The following MEIS3 variants were observed in gnomAD, a reference collection of about 807,000 sequenced individuals.
The protein encoded by MEIS3 is homeobox protein Meis3.
MEIS3 carries 38 observed loss-of-function variants against 51.4 expected under a neutral mutation model. That is an observed-to-expected ratio of 0.74 (90% CI 0.57 to 0.97). The LOEUF is 0.97. Among genes scored for constraint, MEIS3 ranks in the 50% least tolerant of loss-of-function variants. The probability of loss-of-function intolerance (pLI) is 0.00; values close to 1 mark genes in which losing one functional copy is unlikely to be tolerated. For missense variants in MEIS3, 456 were observed against 502.6 expected, an observed-to-expected ratio of 0.91 and a Z score of 0.89; for synonymous variants, 198 against 201.8, an observed-to-expected ratio of 0.98 and a Z score of 0.16.
chr19:47,416,176 G>A (rs774010948), intron 4 of MEIS3: 15 of 154,278 alleles, frequency 9.7e-5, no homozygotes, highest in Admixed American at 7.2e-4. Flanking sequence ...CATTACAGGC[G>A]TGAGCTGCCG....
At chr19:47,420,940 A>ACACACACACACACACT (rs1187725467), upstream of MEIS3, among the ~76,000 whole-genome samples, 1 of 90,972 alleles carries the variant, frequency 1.1e-5, no homozygotes, top group Non-Finnish European at 2.1e-5. Flanking sequence ...ACACACACAC[A>ACACACACACACACACT]CTCTCTCTCT....
intron 12 of MEIS3, among the ~76,000 whole-genome samples, chr19:47,404,476 G>C (rs1373883462): frequency 6.6e-6 from 1 of 152,110 alleles, no homozygotes; most frequent in Non-Finnish European, 1.5e-5. Flanking sequence ...CACCTGTCCG[G>C]CCGCCTGCCT....
rs369363911 is a variant in MEIS3, at chr19:47,414,880, G to A, written c.448-14C>T. Reference sequence around the variant, plus strand: ...CAGGTCGTGGACCTGGGGGGGCACCGGGGTACTGGGGGGGGCCACCCACGG... The same window carrying A: ...CAGGTCGTGGACCTGGGGGGGCACCAGGGTACTGGGGGGGGCCACCCACGG... On this transcript the variant is annotated splice_polypyrimidine_tract_variant and intron_variant, in intron 5 of 12. Coordinates refer to ENST00000558555, the MANE Select transcript of MEIS3 (RefSeq NM_001301059.2). The A allele has an allele frequency of 8.0e-5, 128 of 1,597,758 alleles. 1 individual carries two copies. The highest frequency in any genetic ancestry group is 7.4e-4 in the African/African-American group (55 of 74,282).
chr19:47,407,067 T>G lies in MEIS3; in HGVS notation c.994+12A>C, dbSNP rs544885285. 2 of 1,608,354 alleles carry G rather than the reference T, an allele frequency of 1.2e-6. No individual in the cohort carries two copies. Among genetic ancestry groups the G allele is most frequent in the Admixed American group, 3.4e-5 (2 of 58,868 alleles). ...GAACCCCAGGCTCTCCGTCCCCGCC[T>G]TCCCCCTGTACCTGTGCGGTTGGAT... On this transcript the variant is annotated intron_variant, in intron 10 of 12. Coordinates refer to ENST00000558555, the MANE Select transcript of MEIS3 (RefSeq NM_001301059.2).
In MEIS3 at chr19:47,411,094, A is replaced by G. The variant is rs145739485; in HGVS notation, c.598-1547T>C. 7.2e-3 allele frequency among the ~76,000 whole-genome samples: 1,091 copies of G among 151,562 alleles called. 14 individuals carry two copies. Among genetic ancestry groups the G allele is most frequent in the African/African-American group, 0.025 (1,019 of 41,342 alleles). On this transcript the variant is annotated intron_variant, in intron 6 of 12. Transcript: ENST00000558555. ...TGGGATTACAGGTGCCTGCCACCAC[A>G]CCTGGCTAATTTTTGTATTTTTAGT...
At position 47,407,237 on chromosome 19, in the gene MEIS3, A is replaced by G. The variant is rs571320431; in HGVS notation, c.936-100T>C. 9 of 1,488,318 alleles carry G rather than the reference A, an allele frequency of 6.0e-6. No homozygotes were observed. The South Asian group carries it at 9.0e-5, about 15-fold the overall frequency. 92.2% of individuals were successfully genotyped at this position (1,488,318 alleles called of 1,614,324 possible). A position where few individuals can be genotyped will look rare whatever the true frequency, so the allele number is the denominator to read the frequency against. On this transcript the variant is annotated intron_variant, in intron 9 of 12. Coordinates refer to ENST00000558555, the MANE Select transcript of MEIS3 (RefSeq NM_001301059.2). ...GCCGGAGGACAGCGGCGGGGGAGGC[A>G]GAGCGGGGCGAGCAGGGGCAGTGGC...
intron 6 of MEIS3, among the ~76,000 whole-genome samples, chr19:47,410,903 G>C (rs908349800): frequency 2.0e-5 from 3 of 152,124 alleles, no homozygotes; most frequent in Non-Finnish European, 4.4e-5. Context: ...AAAATCCTTG[G>C]GGCAAGAAGT....
chr19:47,408,992 C>T, intron 8 of MEIS3, 107 bp downstream of exon 8: 3 of 1,356,016 alleles, frequency 2.2e-6, no homozygotes, highest in Non-Finnish European at 3.0e-6. Flanking sequence ...GAAAAATTTC[C>T]TGCCGTCTTT....
Position 47,416,528 on chromosome 19 carries a change from T to C in MEIS3, c.396+124A>G, listed in dbSNP as rs557209336. On this transcript the variant is annotated intron_variant, in intron 4 of 12. Coordinates refer to ENST00000558555, the MANE Select transcript of MEIS3 (RefSeq NM_001301059.2). ...CCACACGGCACGTGGGCAACAATCA[T>C]GACGGTTTGGGGACATGGACCAGGT... The C allele has an allele frequency of 2.3e-4, 184 of 784,542 alleles. 2 individuals carry two copies. In the South Asian group the frequency reaches 3.6e-3, roughly 15 times the overall value. 48.6% of individuals were successfully genotyped at this position (784,542 alleles called of 1,614,324 possible). A position where few individuals can be genotyped will look rare whatever the true frequency, so the allele number is the denominator to read the frequency against.
At chr19:47,409,000 T>C (rs1970983412) in intron 8 of MEIS3, 99 bp downstream of exon 8, 5 of 1,423,008 alleles carry the variant, frequency 3.5e-6, no homozygotes, top group South Asian at 1.3e-5. Flanking sequence ...TCCTGCCGTC[T>C]TTCTCCCACT....
chr19:47,416,596 C>G (rs920882077), intron 4 of MEIS3, 56 bp downstream of exon 4: 1 of 1,372,422 alleles, frequency 7.3e-7, no homozygotes. Flanking sequence ...AGGGATGGGG[C>G]GTCAGGGAAG....
chr19:47,403,673 G>A (rs1445465035), intron 12 of MEIS3, 120 bp from the exon 13 acceptor site: 5 of 337,040 alleles, frequency 1.5e-5, no homozygotes, highest in East Asian at 1.8e-4. Context: ...AGTGGCTGGC[G>A]GGGAATGGCA....
At chr19:47,414,945 G>C (rs565384019) in intron 5 of MEIS3, 79 bp from the exon 6 acceptor site, 2 of 1,075,748 alleles carry the variant, frequency 1.9e-6, no homozygotes, top group East Asian at 7.8e-5. Flanking sequence ...GCGGCATTCT[G>C]CTTCAACTCC....
chr19:47,418,384 A>G (rs1234986953), intron 1 of MEIS3: 2 of 152,374 alleles, frequency 1.3e-5, no homozygotes, highest in Non-Finnish European at 2.9e-5. Context: ...GTTGAATCCA[A>G]CTGCTCCCCG....
intron 1 of MEIS3, chr19:47,417,620 G>A (rs1971514278): frequency 1.4e-6 from 1 of 703,052 alleles, no homozygotes; most frequent in Non-Finnish European, 2.6e-6. Flanking sequence ...GGTCTGGCTG[G>A]GAGGGAAAAG....
chr19:47,421,591 T>G (rs1971716865), upstream of MEIS3, among the ~76,000 whole-genome samples: 1 of 151,986 alleles, frequency 6.6e-6, no homozygotes, highest in Non-Finnish European at 1.5e-5. Flanking sequence ...TGCTTCCTCC[T>G]CCTCATTCCA....
intron 1 of MEIS3, 97 bp downstream of exon 1, chr19:47,418,973 C>T: frequency 1.3e-6 from 1 of 764,864 alleles, no homozygotes; most frequent in Non-Finnish European, 1.8e-6. Flanking sequence ...GTGTAGAGGA[C>T]GGATGGGCTA....
At chr19:47,417,709 C>A in intron 1 of MEIS3, 1 of 699,796 alleles carries the variant, frequency 1.4e-6, no homozygotes. Context: ...ATGGACACCT[C>A]CTGTAGGAAC....
At chr19:47,418,288 C>T (rs1971560698) in intron 1 of MEIS3, 1 of 152,558 alleles carries the variant, frequency 6.6e-6, no homozygotes, top group Non-Finnish European at 1.5e-5. Context: ...GTTCCTGCCT[C>T]GGACCCTCGC....
Sources: allele counts gnomAD v4.1 joint callset (sites outside exome capture counted in the v4.1 genomes callset), GRCh38; gene constraint gnomAD v4.1.1; transcripts MANE v1.5; gene names NCBI Gene and HGNC (gene_info 2026-07-23, HGNC 2026-07-21).